The following ERC1 variants were observed in gnomAD, a reference collection of about 807,000 sequenced individuals.
The protein encoded by ERC1 is RAB6 interacting protein 2.
A neutral mutation model predicts 132.0 loss-of-function variants in ERC1; 56 were observed. The ratio of observed to expected loss-of-function variants is 0.42; its 90% CI spans 0.34 to 0.53. The LOEUF is 0.53. Among genes scored for constraint, ERC1 ranks in the 20% least tolerant of loss-of-function variants. The pLI is 0.03. For synonymous variants in ERC1, 478 were observed against 476.1 expected (o/e 1.00, Z -0.05); for missense variants, 1,202 against 1,349.9 (o/e 0.89, Z 1.72).
rs551811195 is a variant in ERC1, at chr12:1,413,378, G to A, written c.3024+5131G>A. Among the ~76,000 whole-genome samples the A allele has an allele frequency of 3.2e-4, 48 of 152,278 alleles. 1 individual carries two copies. The South Asian group carries it at 6.6e-3, about 21-fold the overall frequency. On this transcript the variant is annotated intron_variant, in intron 17 of 18. Coordinates refer to ENST00000360905, the MANE Select transcript of ERC1 (RefSeq NM_178040.4). ...GGAGGCCGAGGCAGGCAGATTGGTTGAAGCCAGGAGTTTGAGACCAGGCTG... is the reference window on the plus strand; with the variant it reads ...GGAGGCCGAGGCAGGCAGATTGGTTAAAGCCAGGAGTTTGAGACCAGGCTG...
intron 4 of ERC1, among the ~76,000 whole-genome samples, chr12:1,105,608 C>T (rs867286868): frequency 3.3e-5 from 5 of 152,256 alleles, no homozygotes; most frequent in South Asian, 4.2e-4. Context: ...CCGCCCGCCT[C>T]GGCCTCCCAA....
intron 15 of ERC1, among the ~76,000 whole-genome samples, chr12:1,298,155 G>C (rs1465562862): frequency 1.3e-5 from 2 of 152,224 alleles, no homozygotes; most frequent in Non-Finnish European, 2.9e-5. Flanking sequence ...TCGATGTGAA[G>C]TAGTACAATT....
intron 14 of ERC1, among the ~76,000 whole-genome samples, chr12:1,282,205 C>T (rs879333590): frequency 3.9e-5 from 6 of 152,100 alleles, no homozygotes; most frequent in Non-Finnish European, 8.8e-5. Flanking sequence ...AGCAAAGCAG[C>T]GCTCAGTGTG....
At chr12:1,429,210 AG>A (rs1385385941) in intron 17 of ERC1, among the ~76,000 whole-genome samples, 1 of 152,200 alleles carries the variant, frequency 6.6e-6, no homozygotes, top group Non-Finnish European at 1.5e-5. Context: ...AAGCCTAGAA[AG>A]GTATTAGATT....
intron 12 of ERC1, among the ~76,000 whole-genome samples, chr12:1,219,302 TA>T (rs1387166836): frequency 1.3e-5 from 2 of 152,198 alleles, no homozygotes; most frequent in Non-Finnish European, 2.9e-5. Context: ...ATATCAAATT[TA>T]GTTTTACTCA....
intron 17 of ERC1, among the ~76,000 whole-genome samples, chr12:1,421,055 A>C (rs1277952168): frequency 6.6e-6 from 1 of 152,090 alleles, no homozygotes; most frequent in Non-Finnish European, 1.5e-5. Flanking sequence ...TGTATAATGT[A>C]TAATACTCAA....
chr12:1,030,128 G>C (rs1967734359), intron 2 of ERC1, among the ~76,000 whole-genome samples: 1 of 152,034 alleles, frequency 6.6e-6, no homozygotes, highest in Non-Finnish European at 1.5e-5. Context: ...TGTACTTTTA[G>C]AAGTTTTCTT....
chr12:1,331,927 C>G (rs908192433), intron 15 of ERC1, among the ~76,000 whole-genome samples: 6 of 152,212 alleles, frequency 3.9e-5, no homozygotes, highest in Non-Finnish European at 8.8e-5. Context: ...ACCAAACCAT[C>G]TTAACCAGAA....
At chr12:1,046,673 G>A (rs1410279313) in intron 2 of ERC1, among the ~76,000 whole-genome samples, 3 of 152,152 alleles carry the variant, frequency 2.0e-5, no homozygotes, top group African/African-American at 7.2e-5. Flanking sequence ...CACTTGTGTA[G>A]TGTTTACTAA....
At chr12:1,437,221 A>G (rs377363566) in intron 17 of ERC1, among the ~76,000 whole-genome samples, 11 of 152,158 alleles carry the variant, frequency 7.2e-5, no homozygotes, top group African/African-American at 2.4e-4. Context: ...ATCGACTTTC[A>G]GCAGCCATCC....
At chr12:1,244,253 G>C (rs985340013) in intron 13 of ERC1, among the ~76,000 whole-genome samples, 2 of 152,098 alleles carry the variant, frequency 1.3e-5, no homozygotes, top group South Asian at 2.1e-4. Context: ...TATATTTTTG[G>C]TGTGTCATAG....
rs553077200 is a variant in ERC1, at chr12:1,479,202, C to T, written c.3214-10891C>T. 3.3e-5 allele frequency among the ~76,000 whole-genome samples: 5 copies of T among 152,244 alleles called. No homozygotes were observed. In the South Asian group the frequency reaches 6.2e-4, roughly 19 times the overall value. On this transcript the variant is annotated intron_variant, in intron 18 of 18. Coordinates refer to ENST00000360905, the MANE Select transcript of ERC1 (RefSeq NM_178040.4). ...ATTGCTGCCGCCTTGCAGTGACAGC[C>T]TTCTTCCAGAGAGGAGCATTTGTAT...
intron 1 of ERC1, among the ~76,000 whole-genome samples, chr12:1,009,640 C>T (rs1170211845): frequency 1.3e-5 from 2 of 152,006 alleles, no homozygotes; most frequent in Non-Finnish European, 2.9e-5. Flanking sequence ...GTTGCCATTT[C>T]TTTTTGGTGA....
At chr12:1,169,785 A>G (rs552212718) in intron 8 of ERC1, among the ~76,000 whole-genome samples, 2 of 152,262 alleles carry the variant, frequency 1.3e-5, no homozygotes, top group African/African-American at 4.8e-5. Flanking sequence ...GGTTTCTTTG[A>G]ATTTATTTGT....
At chr12:1,294,044 G>A (rs1333043562) in intron 15 of ERC1, among the ~76,000 whole-genome samples, 1 of 152,110 alleles carries the variant, frequency 6.6e-6, no homozygotes, top group African/African-American at 2.4e-5. Flanking sequence ...GTGGGTCTGG[G>A]ACTAGTTAAA....
At chr12:1,017,087 C>T (rs982221954) in intron 1 of ERC1, among the ~76,000 whole-genome samples, 3 of 152,118 alleles carry the variant, frequency 2.0e-5, no homozygotes, top group African/African-American at 7.2e-5. Flanking sequence ...GCCTCCACAT[C>T]CTGGGTTCAA....
At chr12:1,039,077 C>T (rs1438348461) in intron 2 of ERC1, among the ~76,000 whole-genome samples, 1 of 152,034 alleles carries the variant, frequency 6.6e-6, no homozygotes, top group Admixed American at 6.6e-5. Context: ...TGGCTCACGC[C>T]TGTAATCCCA....
intron 2 of ERC1, among the ~76,000 whole-genome samples, chr12:1,065,602 G>A (rs1357045406): frequency 6.7e-6 from 1 of 150,134 alleles, no homozygotes; most frequent in Non-Finnish European, 1.5e-5. Flanking sequence ...TTGGGGCGGG[G>A]GGGGACGGAT....
At chr12:1,417,294 A>G (rs76505991) in intron 17 of ERC1, among the ~76,000 whole-genome samples, 3,883 of 152,148 alleles carry the variant, frequency 0.026, 191 homozygotes, top group African/African-American at 0.088. Context: ...GCCGTCTGCT[A>G]TTAAAAGCCA....
Sources: allele counts gnomAD v4.1 joint callset (sites outside exome capture counted in the v4.1 genomes callset), GRCh38; gene constraint gnomAD v4.1.1; transcripts MANE v1.5; gene names NCBI Gene and HGNC (gene_info 2026-07-23, HGNC 2026-07-21).